The following KNL1 variants were observed in gnomAD, a reference collection of about 807,000 sequenced individuals.
KNL1 encodes outer kinetochore KNL1 complex subunit KNL1.
In KNL1, 66 loss-of-function variants were observed where a neutral mutation model predicts 201.3. The ratio of observed to expected loss-of-function variants is 0.33; its 90% CI spans 0.27 to 0.40. The LOEUF is 0.40. Among genes scored for constraint, KNL1 ranks in the 10% least tolerant of loss-of-function variants. The probability of loss-of-function intolerance (pLI) is 1.00; values close to 1 mark genes in which losing one functional copy is unlikely to be tolerated. For missense variants in KNL1, 2,815 were observed against 2,690.5 expected (o/e 1.05, Z -1.02); for synonymous variants, 895 against 899.2 (o/e 1.00, Z 0.08).
At chr15:40,597,692 C>A (rs972542144) in intron 1 of KNL1, among the ~76,000 whole-genome samples, 2 of 152,118 alleles carry the variant, frequency 1.3e-5, no homozygotes, top group African/African-American at 4.8e-5. Context: ...TGGAACTTAA[C>A]AGTTACAGAA....
intron 14 of KNL1, among the ~76,000 whole-genome samples, chr15:40,644,651 T>C (rs1031883743): frequency 1.2e-4 from 18 of 152,270 alleles, no homozygotes; most frequent in Non-Finnish European, 2.5e-4. Flanking sequence ...CTTTCCGCAG[T>C]GCATTGTGCC....
intron 4 of KNL1, 35 bp downstream of exon 4, chr15:40,606,487 ATTTTCAGTTATATTT>A: frequency 8.9e-7 from 1 of 1,128,704 alleles, no homozygotes; most frequent in East Asian, 2.3e-5. Flanking sequence ...ATAGATGACT[ATTTTCAGTTATATTT>A]TTAAGTCAAG....
intron 8 of KNL1, 132 bp downstream of exon 8, chr15:40,615,510 T>A: frequency 3.6e-6 from 1 of 274,282 alleles, no homozygotes; most frequent in East Asian, 1.4e-4. Context: ...TGCTCACGCC[T>A]GTAATCCCAG....
intron 25 of KNL1, among the ~76,000 whole-genome samples, chr15:40,660,181 G>T (rs1451818955): frequency 2.6e-5 from 4 of 151,876 alleles, no homozygotes; most frequent in Non-Finnish European, 4.4e-5. Flanking sequence ...AAGTGCTGGG[G>T]ATTACAGGCG....
At position 40,622,459 on chromosome 15, in the gene KNL1, TG is replaced by T; in HGVS notation, c.2197del (p.Ala733LeufsTer4). ...VKSVLGQNSK[L>X]AEPLRKSLSN... is the part of the protein sequence containing the mutation. ...TCTGTACTAGGCCAGAATTCTAAACTGGCTGAGCCACTGAGGAAAAGTTTAA... is the reference window on the plus strand; with the variant it reads ...TCTGTACTAGGCCAGAATTCTAAACTGCTGAGCCACTGAGGAAAAGTTTAA... On this transcript the variant is annotated frameshift_variant, in exon 10 of 26. Coordinates refer to ENST00000399668, the MANE Select transcript of KNL1 (RefSeq NM_144508.5). LOFTEE classifies it high-confidence loss of function. The T allele has an allele frequency of 6.2e-7, 1 of 1,613,970 alleles. No homozygotes were observed. Among genetic ancestry groups the T allele is most frequent in the Non-Finnish European group, 8.5e-7 (1 of 1,179,912 alleles).
intron 13 of KNL1, among the ~76,000 whole-genome samples, chr15:40,631,640 C>CA (rs745804150): frequency 6.6e-6 from 1 of 151,404 alleles, no homozygotes; most frequent in East Asian, 1.9e-4. Flanking sequence ...ATAATATCCA[C>CA]AAAAAAGATA....
intron 13 of KNL1, among the ~76,000 whole-genome samples, chr15:40,631,733 G>C (rs1179395543): frequency 6.6e-6 from 1 of 152,156 alleles, no homozygotes; most frequent in African/African-American, 2.4e-5. Context: ...TCCAGGCCAG[G>C]CATGGTGGCT....
At chr15:40,658,654 C>T (rs751566407) in intron 24 of KNL1, among the ~76,000 whole-genome samples, 3 of 149,748 alleles carry the variant, frequency 2.0e-5, no homozygotes, top group East Asian at 2.0e-4. Flanking sequence ...TGGGCTGGGA[C>T]GGTGGCTCAC....
chr15:40,621,649 T>C lies in KNL1; in HGVS notation c.1385T>C (p.Met462Thr), dbSNP rs1198691681. 2 of 1,612,724 alleles carry C rather than the reference T, an allele frequency of 1.2e-6. No individual in the cohort carries two copies. Among genetic ancestry groups the C allele is most frequent in the Non-Finnish European group, 1.7e-6 (2 of 1,179,210 alleles). The change falls in exon 10 of 26, where the codon ATG becomes ACG. Residue 462 changes from methionine to threonine, a missense_variant. By Grantham distance (81) the Met-to-Thr change is moderately conservative. Coordinates refer to ENST00000399668, the MANE Select transcript of KNL1 (RefSeq NM_144508.5). ...LLKHDSNYAK[M>T]YCNPDAMSSL... ...AAGCATGACAGTAATTATGCTAAAATGTATTGCAATCCAGATGCTATGTCT... is the reference window on the plus strand; with the variant it reads ...AAGCATGACAGTAATTATGCTAAAACGTATTGCAATCCAGATGCTATGTCT...
chr15:40,610,903 C>G (rs539916577), intron 6 of KNL1: 22 of 443,568 alleles, frequency 5.0e-5, no homozygotes, highest in South Asian at 3.4e-4. Flanking sequence ...GCATGCACCA[C>G]CACACCCAGC....
At chr15:40,626,855 C>T (rs375476924) in intron 10 of KNL1, among the ~76,000 whole-genome samples, 69 of 152,012 alleles carry the variant, frequency 4.5e-4, no homozygotes, top group African/African-American at 1.6e-3. Flanking sequence ...GCTGGGATTA[C>T]AGGCATAAGC....
At chr15:40,617,975 T>G (rs1236978269) in intron 8 of KNL1, among the ~76,000 whole-genome samples, 2 of 47,214 alleles carry the variant, frequency 4.2e-5, no homozygotes, top group Non-Finnish European at 6.8e-5. Flanking sequence ...AGGCTTTTAG[T>G]AAAAAAAAAA....
At chr15:40,635,431 C>T (rs748334231) in intron 13 of KNL1, among the ~76,000 whole-genome samples, 35 of 150,896 alleles carry the variant, frequency 2.3e-4, no homozygotes, top group African/African-American at 7.5e-4. Context: ...CTCAGCTTAC[C>T]GCAACCTCCG....
At chr15:40,603,057 C>G (rs191238747) in intron 2 of KNL1, 91 bp downstream of exon 2, 1 of 801,006 alleles carries the variant, frequency 1.2e-6, no homozygotes, top group African/African-American at 1.8e-5. Flanking sequence ...CTTCTGAGAT[C>G]TTTTTCCATT....
rs71104706 is a variant in KNL1, at chr15:40,617,975, TAAAAAAAAAAAAAAAAAAAAAA to T, written c.323-966_323-945del. 4.3e-3 allele frequency among the ~76,000 whole-genome samples: 204 copies of T among 47,232 alleles called. 4 individuals are homozygous for T. The East Asian group carries it at 0.086, about 20-fold the overall frequency. The allele number at this position is 47,232 out of a possible 152,430, so 31.0% of individuals were successfully genotyped here. A position where few individuals can be genotyped will look rare whatever the true frequency, so the allele number is the denominator to read the frequency against. On this transcript the variant is annotated intron_variant, in intron 8 of 25. Coordinates refer to ENST00000399668, the MANE Select transcript of KNL1 (RefSeq NM_144508.5). ...CCTGAAATATAAATAAGGCTTTTAG[TAAAAAAAAAAAAAAAAAAAAAA>T]AAAAAAAAAAAAAAAAAGCTTATAA...
At chr15:40,658,561 CAA>C (rs35180053) in intron 24 of KNL1, among the ~76,000 whole-genome samples, 2,834 of 74,220 alleles carry the variant, frequency 0.038, 135 homozygotes, top group African/African-American at 0.14. Flanking sequence ...GAATCTGTCT[CAA>C]AAAAAAAAAA....
At chr15:40,658,894 C>T (rs1235253779) in intron 24 of KNL1, among the ~76,000 whole-genome samples, 4 of 149,042 alleles carry the variant, frequency 2.7e-5, no homozygotes, top group Non-Finnish European at 5.9e-5. Context: ...TACTCCACTG[C>T]ACTCCAGCCT....
intron 21 of KNL1, among the ~76,000 whole-genome samples, chr15:40,654,334 G>T (rs1446843950): frequency 6.6e-6 from 1 of 152,022 alleles, no homozygotes; most frequent in Non-Finnish European, 1.5e-5. Context: ...AATTATCTTT[G>T]CACAGAAGTT....
intron 4 of KNL1, 21 bp downstream of exon 4, chr15:40,606,473 CT>C: frequency 1.5e-6 from 2 of 1,294,852 alleles, no homozygotes; most frequent in Non-Finnish European, 2.2e-6. Flanking sequence ...TGTGCAAATA[CT>C]TTATAGATGA....
Sources: gnomAD v4.1 joint callset for allele counts (sites outside exome capture counted in the v4.1 genomes callset) on GRCh38, gnomAD v4.1.1 for gene constraint, MANE v1.5 for transcripts, NCBI Gene and HGNC (gene_info 2026-07-23, HGNC 2026-07-21) for gene names.